The following KAT2B variants were observed in gnomAD, a reference collection of about 807,000 sequenced individuals.
KAT2B encodes lysine acetyltransferase 2B, also known as histone acetyltransferase KAT2B.
Under a neutral mutation model 105.9 loss-of-function variants are expected in KAT2B, and 36 were observed. That is an observed-to-expected ratio of 0.34 (90% CI 0.26 to 0.45). KAT2B has a LOEUF of 0.45. Among genes scored for constraint, KAT2B ranks in the 20% least tolerant of loss-of-function variants. The pLI is 1.00. For synonymous variants in KAT2B, 397 were observed against 377.9 expected (o/e 1.05, Z -0.59); for missense variants, 820 against 1,021.6 (o/e 0.80, Z 2.69).
chr3:20,052,033 T>A lies in KAT2B; in HGVS notation c.303+11253T>A, dbSNP rs746224461. ...AATTGAAATGGAATCAAGTCTTTTA[T>A]AATTTTGAATCACATTCATCTCTAG... On this transcript the variant is annotated intron_variant, in intron 1 of 17. Transcript: ENST00000263754. Among the ~76,000 whole-genome samples the A allele has an allele frequency of 6.6e-5, 10 of 152,240 alleles. No homozygotes were observed. In the East Asian group the frequency reaches 1.9e-3, roughly 29 times the overall value.
At chr3:20,133,869 T>C (rs1357964031) in intron 11 of KAT2B, among the ~76,000 whole-genome samples, 2 of 152,224 alleles carry the variant, frequency 1.3e-5, no homozygotes, top group African/African-American at 4.8e-5. Context: ...CTGATCACTA[T>C]TGAGGTCGAA....
At chr3:20,041,819 T>C (rs1056893384) in intron 1 of KAT2B, among the ~76,000 whole-genome samples, 2 of 152,216 alleles carry the variant, frequency 1.3e-5, no homozygotes, top group African/African-American at 4.8e-5. Context: ...AGATTCCCGA[T>C]TGTCACAACC....
chr3:20,096,984 G>A (rs1158299529), intron 3 of KAT2B, among the ~76,000 whole-genome samples: 1 of 151,842 alleles, frequency 6.6e-6, no homozygotes, highest in Non-Finnish European at 1.5e-5. Flanking sequence ...AGAGAGTGGG[G>A]GAAGAGAGAG....
At chr3:20,061,819 A>G (rs1457472642) in intron 1 of KAT2B, among the ~76,000 whole-genome samples, 1 of 99,216 alleles carries the variant, frequency 1.0e-5, no homozygotes, top group Admixed American at 1.1e-4. Flanking sequence ...TTATACATAA[A>G]GTATATAATA....
chr3:20,072,066 G>T (rs1178049076), intron 1 of KAT2B, among the ~76,000 whole-genome samples: 1 of 152,168 alleles, frequency 6.6e-6, no homozygotes, highest in Non-Finnish European at 1.5e-5. Flanking sequence ...CCCACTGGGG[G>T]CAATGGTAGC....
Position 20,091,256 on chromosome 3 carries a change from T to C in KAT2B, c.431-4007T>C, listed in dbSNP as rs539026839. Among the ~76,000 whole-genome samples, 11 of 152,310 alleles carry C rather than the reference T, an allele frequency of 7.2e-5. 1 individual carries two copies. In the South Asian group the frequency reaches 2.1e-3, roughly 29 times the overall value. ...GGTAGGTTGTACATTTTCAGGAATTTACCCATTTCTTTTAGATTATCCAAT... is the reference window on the plus strand; with the variant it reads ...GGTAGGTTGTACATTTTCAGGAATTCACCCATTTCTTTTAGATTATCCAAT... On this transcript the variant is annotated intron_variant, in intron 2 of 17. Coordinates refer to ENST00000263754, the MANE Select transcript of KAT2B (RefSeq NM_003884.5).
chr3:20,071,295 T>C (rs992855023), intron 1 of KAT2B, among the ~76,000 whole-genome samples: 2 of 152,240 alleles, frequency 1.3e-5, no homozygotes, highest in Non-Finnish European at 2.9e-5. Context: ...TATATGTAGA[T>C]GGCTCTACCC....
At chr3:20,086,833 G>GTGCAGTGGCGCAGTCTCGGCTGGAA (rs1698626739) in intron 2 of KAT2B, among the ~76,000 whole-genome samples, 3 of 150,394 alleles carry the variant, frequency 2.0e-5, no homozygotes, top group Non-Finnish European at 4.4e-5. Flanking sequence ...GCAGGCTGGA[G>GTGCAGTGGCGCAGTCTCGGCTGGAA]TGCAGTGGTG....
intron 2 of KAT2B, among the ~76,000 whole-genome samples, chr3:20,085,499 TTTTC>T (rs1341454356): frequency 5.4e-5 from 8 of 148,724 alleles, no homozygotes; most frequent in Non-Finnish European, 8.8e-5. Flanking sequence ...AATTTTTCTT[TTTTC>T]TTTCTTTCTT....
chr3:20,087,041 A>G (rs1698631654), intron 2 of KAT2B, among the ~76,000 whole-genome samples: 2 of 152,166 alleles, frequency 1.3e-5, no homozygotes, highest in South Asian at 4.1e-4. Flanking sequence ...TGGCCTTCCA[A>G]AGTGCTGAGA....
chr3:20,081,415 G>A (rs1280307325), intron 2 of KAT2B, among the ~76,000 whole-genome samples: 3 of 152,140 alleles, frequency 2.0e-5, no homozygotes, highest in Non-Finnish European at 4.4e-5. Context: ...GCAGTCACAC[G>A]GCGGGTCACT....
intron 1 of KAT2B, among the ~76,000 whole-genome samples, chr3:20,047,030 C>A (rs755127564): frequency 2.6e-5 from 4 of 152,002 alleles, no homozygotes; most frequent in Non-Finnish European, 5.9e-5. Context: ...TAGACAAATA[C>A]CTTTGCAGCA....
intron 11 of KAT2B, among the ~76,000 whole-genome samples, chr3:20,130,915 T>C (rs1218574078): frequency 6.6e-6 from 1 of 151,384 alleles, no homozygotes; most frequent in African/African-American, 2.4e-5. Flanking sequence ...TGTGTGTGTG[T>C]GCATGCGTGC....
At chr3:20,110,483 C>T (rs556914904) in intron 5 of KAT2B, among the ~76,000 whole-genome samples, 34 of 151,716 alleles carry the variant, frequency 2.2e-4, no homozygotes, top group African/African-American at 7.2e-4. Context: ...CAATCCTGGG[C>T]AACATAGTGA....
chr3:20,122,855 T>A (rs1412929359), intron 9 of KAT2B, 51 bp downstream of exon 9: 1 of 1,558,746 alleles, frequency 6.4e-7, no homozygotes, highest in Admixed American at 1.9e-5. Flanking sequence ...TCTGCTCTCC[T>A]GGCCACTCCA....
chr3:20,041,942 C>G (rs527645715), intron 1 of KAT2B, among the ~76,000 whole-genome samples: 1 of 152,328 alleles, frequency 6.6e-6, no homozygotes, highest in Non-Finnish European at 1.5e-5. Flanking sequence ...AATGGAATGT[C>G]TATGCTTGCT....
chr3:20,052,950 T>A (rs529248375), intron 1 of KAT2B, among the ~76,000 whole-genome samples: 1 of 152,352 alleles, frequency 6.6e-6, no homozygotes, highest in East Asian at 1.9e-4. Flanking sequence ...CACTCCAGCC[T>A]GGGCGACAAG....
intron 2 of KAT2B, among the ~76,000 whole-genome samples, chr3:20,084,179 C>T (rs918291137): frequency 2.0e-5 from 3 of 152,134 alleles, no homozygotes; most frequent in Admixed American, 2.0e-4. Context: ...CTGTTCTTGT[C>T]TGGCTTTCTT....
In KAT2B at chr3:20,140,223, T is replaced by C; in HGVS notation, c.1863T>C (p.Gly621=). The change falls in exon 13 of 18, where the codon GGT becomes GGC. Residue 621 remains glycine (G), a splice_region_variant and synonymous_variant. Transcript: ENST00000263754. ...EYAIGYFKKQ[G]FSKEIKIPKT... ...GAATGAATTTACTTGCTTTTCAGGG[T>C]TTCTCCAAAGAAATTAAAATACCTA... 8.2e-6 allele frequency: 13 copies of C among 1,594,820 alleles called. No individual in the cohort carries two copies. The highest frequency in any genetic ancestry group is 1.1e-5 in the Non-Finnish European group (13 of 1,162,774).
Sources: gnomAD v4.1 joint callset for allele counts (sites outside exome capture counted in the v4.1 genomes callset) on GRCh38, gnomAD v4.1.1 for gene constraint, MANE v1.5 for transcripts, NCBI Gene and HGNC (gene_info 2026-07-23, HGNC 2026-07-21) for gene names.